LRRTM4: variants seen among roughly 807,000 people sequenced by gnomAD.
The protein encoded by LRRTM4 is leucine-rich repeat transmembrane neuronal protein 4.
Under a neutral mutation model 47.6 loss-of-function variants are expected in LRRTM4, and 25 were observed. The observed-to-expected ratio is 0.53, with a 90% confidence interval of 0.38 to 0.73. The LOEUF is 0.73. Ranked by LOEUF, LRRTM4 falls within the 30% of genes least tolerant of loss-of-function variation. The probability of loss-of-function intolerance (pLI) is 0.00; values close to 1 mark genes in which losing one functional copy is unlikely to be tolerated. For synonymous variants in LRRTM4, 311 were observed against 269.5 expected, an observed-to-expected ratio of 1.15 and a Z score of -1.51; for missense variants, 638 against 713.4, an observed-to-expected ratio of 0.89 and a Z score of 1.20.
At chr2:77,327,504 T>G (rs1670820695) in intron 3 of LRRTM4, among the ~76,000 whole-genome samples, 1 of 152,156 alleles carries the variant, frequency 6.6e-6, no homozygotes, top group Admixed American at 6.6e-5. Flanking sequence ...CATTTTTTTA[T>G]TTAAAGAAAC....
intron 3 of LRRTM4, among the ~76,000 whole-genome samples, chr2:76,791,334 T>TCCAACATTCCCA (rs908441419): frequency 2.0e-5 from 3 of 152,176 alleles, no homozygotes; most frequent in African/African-American, 7.2e-5. Context: ...AGACACTTGC[T>TCCAACATTCCCA]CCAACATTCC....
chr2:77,453,583 T>C (rs1676350052), intron 3 of LRRTM4, among the ~76,000 whole-genome samples: 2 of 152,224 alleles, frequency 1.3e-5, no homozygotes, highest in Non-Finnish European at 2.9e-5. Flanking sequence ...TTGATCCTTA[T>C]AACATAATGA....
intron 3 of LRRTM4, among the ~76,000 whole-genome samples, chr2:77,012,100 CAA>C (rs1677896201): frequency 4.6e-5 from 7 of 151,934 alleles, no homozygotes; most frequent in Admixed American, 3.3e-4. Context: ...TGTCTGTGGC[CAA>C]TGCAAACCTG....
At chr2:76,783,915 C>G (rs982953790) in intron 3 of LRRTM4, among the ~76,000 whole-genome samples, 9 of 152,060 alleles carry the variant, frequency 5.9e-5, no homozygotes, top group Non-Finnish European at 1.0e-4. Context: ...CATAATAAAA[C>G]TGCTTGGTAA....
intron 3 of LRRTM4, among the ~76,000 whole-genome samples, chr2:77,041,085 A>G (rs1679017145): frequency 6.6e-6 from 1 of 151,326 alleles, no homozygotes; most frequent in Admixed American, 6.6e-5. Flanking sequence ...CTTCCTCCTT[A>G]TACTTTCCAG....
intron 3 of LRRTM4, among the ~76,000 whole-genome samples, chr2:76,871,446 C>T (rs891880129): frequency 1.3e-5 from 2 of 152,112 alleles, no homozygotes; most frequent in East Asian, 3.9e-4. Context: ...AATAGCCTTA[C>T]CACATTTTCT....
At chr2:77,451,154 TC>T (rs1676240282) in intron 3 of LRRTM4, among the ~76,000 whole-genome samples, 1 of 152,178 alleles carries the variant, frequency 6.6e-6, no homozygotes, top group Non-Finnish European at 1.5e-5. Context: ...CTAGTTTTTT[TC>T]TGAAGTCACA....
At chr2:77,320,225 C>A (rs960255707) in intron 3 of LRRTM4, among the ~76,000 whole-genome samples, 1 of 152,030 alleles carries the variant, frequency 6.6e-6, no homozygotes. Flanking sequence ...CACACACAGA[C>A]ATGAGGGTAC....
At chr2:77,453,774 C>T (rs1676358013) in intron 3 of LRRTM4, among the ~76,000 whole-genome samples, 1 of 152,084 alleles carries the variant, frequency 6.6e-6, no homozygotes, top group South Asian at 2.1e-4. Flanking sequence ...TGGTAAATTA[C>T]CTTGCTATAA....
chr2:77,089,767 T>A (rs1447149903), intron 3 of LRRTM4, among the ~76,000 whole-genome samples: 2 of 152,260 alleles, frequency 1.3e-5, no homozygotes, highest in South Asian at 2.1e-4. Flanking sequence ...TTGACCCCAA[T>A]ACAAACTCGA....
chr2:77,028,773 C>A (rs976599847), intron 3 of LRRTM4, among the ~76,000 whole-genome samples: 1 of 151,872 alleles, frequency 6.6e-6, no homozygotes, highest in Admixed American at 6.6e-5. Context: ...CGGTGGCTCA[C>A]TCCTGTAATC....
intron 3 of LRRTM4, among the ~76,000 whole-genome samples, chr2:77,383,231 A>G (rs59528304): frequency 1.3e-5 from 2 of 152,122 alleles, no homozygotes; most frequent in East Asian, 1.9e-4. Context: ...TTAATTGTGT[A>G]CCTTTCAGAT....
intron 3 of LRRTM4, among the ~76,000 whole-genome samples, chr2:76,835,340 T>C (rs951403551): frequency 6.6e-6 from 1 of 152,046 alleles, no homozygotes; most frequent in African/African-American, 2.4e-5. Context: ...ATTTATAAGG[T>C]GAGAAACATC....
intron 3 of LRRTM4, among the ~76,000 whole-genome samples, chr2:77,377,429 A>G (rs531153830): frequency 6.6e-6 from 1 of 151,990 alleles, no homozygotes; most frequent in Non-Finnish European, 1.5e-5. Context: ...TGGATATACT[A>G]TAGGAATACT....
At chr2:77,107,769 G>C (rs775694947) in intron 3 of LRRTM4, among the ~76,000 whole-genome samples, 2 of 128,990 alleles carry the variant, frequency 1.6e-5, no homozygotes, top group South Asian at 2.4e-4. Context: ...AGTGAGCCAA[G>C]ATCACACAGT....
chr2:76,821,177 A>T (rs1235548754), intron 3 of LRRTM4, among the ~76,000 whole-genome samples: 1 of 151,740 alleles, frequency 6.6e-6, no homozygotes, highest in Non-Finnish European at 1.5e-5. Context: ...AAAATGTGGC[A>T]TATAATGTGT....
chr2:77,341,793 T>G (rs1455390820), intron 3 of LRRTM4, among the ~76,000 whole-genome samples: 1 of 151,928 alleles, frequency 6.6e-6, no homozygotes, highest in Non-Finnish European at 1.5e-5. Flanking sequence ...GTTTCTCAAT[T>G]TGGGTAAAGG....
chr2:77,269,144 A>G (rs1676127682), intron 3 of LRRTM4, among the ~76,000 whole-genome samples: 1 of 152,136 alleles, frequency 6.6e-6, no homozygotes, highest in Middle Eastern at 3.4e-3. Flanking sequence ...TTGACCTTCC[A>G]TCTTTTCTAT....
intron 3 of LRRTM4, among the ~76,000 whole-genome samples, chr2:76,944,760 T>C (rs1675267224): frequency 6.6e-6 from 1 of 152,070 alleles, no homozygotes; most frequent in Non-Finnish European, 1.5e-5. Context: ...AGTGTCCTTC[T>C]CAACTTCCCA....
Sources: gnomAD v4.1 joint callset for allele counts (sites outside exome capture counted in the v4.1 genomes callset) on GRCh38, gnomAD v4.1.1 for gene constraint, MANE v1.5 for transcripts, NCBI Gene and HGNC (gene_info 2026-07-23, HGNC 2026-07-21) for gene names.